The following UNC13A variants were observed in gnomAD, a reference collection of about 807,000 sequenced individuals.
The protein encoded by UNC13A is unc-13 homolog A.
Under a neutral mutation model 219.7 loss-of-function variants are expected in UNC13A, and 61 were observed. The observed-to-expected ratio is 0.28, with a 90% CI of 0.23 to 0.34. The LOEUF (loss-of-function observed/expected upper bound fraction) is 0.34, where lower values mean the gene tolerates loss of function less well. Ranked by LOEUF, UNC13A falls within the 10% of genes least tolerant of loss-of-function variation. The pLI is 1.00. For missense variants in UNC13A, 1,476 were observed against 2,270.3 expected, an observed-to-expected ratio of 0.65 and a Z score of 7.11; for synonymous variants, 920 against 884.6, an observed-to-expected ratio of 1.04 and a Z score of -0.71.
intron 27 of UNC13A, 74 bp from the exon 28 acceptor site, chr19:17,632,982 T>A (rs999571855): frequency 6.2e-7 from 1 of 1,610,376 alleles, no homozygotes; most frequent in East Asian, 2.2e-5. Flanking sequence ...GGCTGCCTAC[T>A]CTGGCCATCA....
chr19:17,634,985 C>T (rs1024621802), intron 26 of UNC13A, among the ~76,000 whole-genome samples: 1 of 152,168 alleles, frequency 6.6e-6, no homozygotes, highest in African/African-American at 2.4e-5. Context: ...ATTCTCCTGC[C>T]TCAGCCTCCC....
chr19:17,649,099 T>G lies in UNC13A; in HGVS notation c.1525-116A>C. The stretch of plus-strand genomic sequence containing the variant: ...CACATTTTGGAGCCACAACCGCAAG[T>G]TGGAAACAGGTCACCGACAGCATCC... On this transcript the variant is annotated intron_variant, in intron 14 of 43. Transcript: ENST00000519716. The surrounding 1 kb of genome is among the most constrained non-coding windows in gnomAD (Gnocchi z 4.4). 3 of 1,263,764 alleles carry G rather than the reference T, an allele frequency of 2.4e-6. No homozygotes were observed. Among genetic ancestry groups the G allele is most frequent in the African/African-American group, 3.0e-5 (2 of 66,126 alleles). The allele number at this position is 1,263,764 out of a possible 1,614,324, so 78.3% of individuals were successfully genotyped here.
chr19:17,672,292 T>A (rs1011119069), intron 4 of UNC13A, 86 bp downstream of exon 4: 1 of 1,065,118 alleles, frequency 9.4e-7, no homozygotes, highest in African/African-American at 1.6e-5. Context: ...GGATAGGAGA[T>A]AAATGCCCAT....
intron 24 of UNC13A, 90 bp from the exon 25 acceptor site, chr19:17,639,307 G>C: frequency 6.3e-7 from 1 of 1,586,752 alleles, no homozygotes; most frequent in South Asian, 1.2e-5. Context: ...TTAAGGAAAT[G>C]AAGTGGTATG....
At chr19:17,643,291 C>T (rs867921876) in intron 19 of UNC13A, among the ~76,000 whole-genome samples, 6 of 150,746 alleles carry the variant, frequency 4.0e-5, no homozygotes, top group African/African-American at 1.5e-4. Context: ...GAATTACAGG[C>T]GTGAGTCACC....
At chr19:17,622,754 C>T (rs2076741890) in intron 36 of UNC13A, 1 of 153,422 alleles carries the variant, frequency 6.5e-6, no homozygotes, top group Non-Finnish European at 1.5e-5. Context: ...CCTCTGCTTC[C>T]TGGGTTCAGG....
intron 34 of UNC13A, 43 bp downstream of exon 34, chr19:17,626,590 C>T: frequency 2.0e-6 from 3 of 1,502,262 alleles, no homozygotes; most frequent in Non-Finnish European, 1.8e-6. Flanking sequence ...TGGCCCTGCC[C>T]CAGCCCCTCC....
rs140562190 is a variant in UNC13A, at chr19:17,603,142, A to C, written c.*2912T>G. On this transcript the variant is annotated 3_prime_UTR_variant, in exon 44 of 44. Coordinates refer to ENST00000519716, the MANE Select transcript of UNC13A (RefSeq NM_001080421.3). ...CAAAAACAGTTCTAGCCTGGGAGTCAGGAAAACTCATTCAACAAATATTCC... is the reference window on the plus strand; with the variant it reads ...CAAAAACAGTTCTAGCCTGGGAGTCCGGAAAACTCATTCAACAAATATTCC... The C allele has an allele frequency of 1.8e-4, 27 of 152,364 alleles. No individual in the cohort carries two copies. Among genetic ancestry groups the C allele is most frequent in the African/African-American group, 5.8e-4 (24 of 41,582 alleles). The allele number at this position is 152,364 out of a possible 1,614,324, so 9.4% of individuals were successfully genotyped here. A position where few individuals can be genotyped will look rare whatever the true frequency, so the allele number is the denominator to read the frequency against.
Position 17,686,079 on chromosome 19 carries a change from C to T in UNC13A, c.22+2099G>A, listed in dbSNP as rs137995716. Among the ~76,000 whole-genome samples, 842 of 151,894 alleles carry T rather than the reference C, an allele frequency of 5.5e-3. 10 individuals are homozygous for T. Among genetic ancestry groups the T allele is most frequent in the African/African-American group, 0.02 (810 of 41,406 alleles). On this transcript the variant is annotated intron_variant, in intron 1 of 43. Transcript: ENST00000519716. ...CTCCCTTTACACCTGAGGGCCTTAC[C>T]TCCCACCCCTGTCAACCTCTTCCCC...
chr19:17,685,415 A>AC (rs2080089257), intron 1 of UNC13A, among the ~76,000 whole-genome samples: 1 of 151,566 alleles, frequency 6.6e-6, no homozygotes, highest in South Asian at 2.1e-4. Context: ...CTGGTCTTGA[A>AC]CTCCTGACCT....
Position 17,642,955 on chromosome 19 carries a change from G to A in UNC13A, c.2362C>T (p.Arg788Ter), listed in dbSNP as rs2145048739. Residue 788 changes from arginine to a stop codon, truncating the protein, a stop_gained, in exon 20 of 44, where the codon CGA becomes TGA. Coordinates refer to ENST00000519716, the MANE Select transcript of UNC13A (RefSeq NM_001080421.3). LOFTEE classifies it high-confidence loss of function. ...CCCGACACGGCAGATTTGTCAGTTC[G>A]CTTGTCTGCAGGGCAGAAAAAGAAG... Reference protein sequence around the residue: ...EMDVWYNLDKRTDKSAVSGAI... With the variant: ...EMDVWYNLDK 1.2e-6 allele frequency: 2 copies of A among 1,604,362 alleles called. No individual in the cohort carries two copies. Among genetic ancestry groups the A allele is most frequent in the Middle Eastern group, 1.7e-4 (1 of 6,048 alleles).
At chr19:17,631,108 G>GAT (rs1250365007) in intron 28 of UNC13A, among the ~76,000 whole-genome samples, 2 of 103,736 alleles carry the variant, frequency 1.9e-5, no homozygotes, top group African/African-American at 7.3e-5. Context: ...TCCTTCTTCA[G>GAT]ATAAACTGCC....
At chr19:17,639,956 C>A (rs1289985599) in intron 22 of UNC13A, 48 bp from the exon 23 acceptor site, 1 of 1,594,310 alleles carries the variant, frequency 6.3e-7, no homozygotes, top group African/African-American at 1.3e-5. Flanking sequence ...AGGACATGGC[C>A]GCCATAGTGG....
chr19:17,645,449 C>T (rs1434820468), intron 19 of UNC13A, among the ~76,000 whole-genome samples: 1 of 152,150 alleles, frequency 6.6e-6, no homozygotes, highest in Non-Finnish European at 1.5e-5. Context: ...TCCCCACCCT[C>T]CCTCCTAAGC....
intron 42 of UNC13A, 32 bp from the exon 43 acceptor site, chr19:17,610,131 A>G (rs2076586546): frequency 6.2e-7 from 1 of 1,611,382 alleles, no homozygotes; most frequent in Non-Finnish European, 8.5e-7. Flanking sequence ...AAGACAGGTC[A>G]GGTTCTCCCA....
intron 43 of UNC13A, among the ~76,000 whole-genome samples, chr19:17,608,591 C>T (rs934020388): frequency 6.7e-6 from 1 of 149,544 alleles, no homozygotes; most frequent in Non-Finnish European, 1.5e-5. Context: ...GATCTCGGCT[C>T]ACTGCAAGCT....
intron 7 of UNC13A, among the ~76,000 whole-genome samples, chr19:17,665,126 G>A (rs2055640143): frequency 6.6e-6 from 1 of 151,986 alleles, no homozygotes. Context: ...CTCAAATCCG[G>A]GAGGCAGAGG....
chr19:17,645,674 C>A lies in UNC13A; in HGVS notation c.2356G>T (p.Asp786Tyr). Reference protein sequence around the residue: ...SGEMDVWYNLDKRTDKSAVSG... With the variant: ...SGEMDVWYNLYKRTDKSAVSG... ...CGCTTCAGAACCCAGCTTCTCTCAC[C>A]CAGGTTGTACCACACGTCCATCTCG... The change falls in exon 19 of 44, where the codon GAC becomes TAC. Residue 786 changes from aspartate (D) to tyrosine (Y), a missense_variant and splice_region_variant. Physicochemically the swap from Asp to Tyr is radical, Grantham distance 160 (BLOSUM62 -3). Around this residue, in one of 14 missense-constraint regions of UNC13A, gnomAD observed 66 missense variants for 224.3 expected, o/e 0.29. Transcript: ENST00000519716. The A allele has an allele frequency of 6.2e-7, 1 of 1,614,180 alleles. No individual in the cohort carries two copies. Among genetic ancestry groups the A allele is most frequent in the Non-Finnish European group, 8.5e-7 (1 of 1,180,000 alleles).
Position 17,627,428 on chromosome 19 carries a change from G to T in UNC13A, c.3920+81C>A. 1 of 1,120,612 alleles carries T rather than the reference G, an allele frequency of 8.9e-7. No individual in the cohort carries two copies. Among genetic ancestry groups the T allele is most frequent in the Non-Finnish European group, 1.3e-6 (1 of 763,810 alleles). 69.4% of individuals were successfully genotyped at this position (1,120,612 alleles called of 1,614,324 possible). A position where few individuals can be genotyped will look rare whatever the true frequency, so the allele number is the denominator to read the frequency against. ...GCCTGCAATCTTCACCTCTACATCT[G>T]CTGAGCCTCCAGATGCCCCAGGCTT... On this transcript the variant is annotated intron_variant, in intron 33 of 43. Transcript: ENST00000519716. This position sits in a 1 kb window ranked among gnomAD's most constrained non-coding sequence, Gnocchi z 4.7.
Sources: allele counts gnomAD v4.1 joint callset (sites outside exome capture counted in the v4.1 genomes callset), GRCh38; gene constraint gnomAD v4.1.1; regional missense constraint gnomAD v4.1.1; non-coding constraint Gnocchi (gnomAD v3.1); transcripts MANE v1.5; gene names NCBI Gene and HGNC (gene_info 2026-07-23, HGNC 2026-07-21).